The following AGTPBP1 variants were observed in gnomAD, a reference collection of about 807,000 sequenced individuals.
The protein encoded by AGTPBP1 is cytosolic carboxypeptidase 1.
Under a neutral mutation model 143.9 loss-of-function variants are expected in AGTPBP1, and 70 were observed. The observed-to-expected ratio is 0.49, with a 90% CI of 0.40 to 0.59. AGTPBP1 has a LOEUF of 0.59. AGTPBP1 is among the 20% of genes least tolerant of loss of function. The pLI, the probability that AGTPBP1 is intolerant of heterozygous loss-of-function variation, is 0.00. For missense variants in AGTPBP1, 1,229 were observed against 1,464.5 expected (o/e 0.84, Z 2.62); for synonymous variants, 463 against 500.2 (o/e 0.93, Z 0.99).
intron 1 of AGTPBP1, among the ~76,000 whole-genome samples, chr9:85,730,630 G>A (rs1838814041): frequency 6.6e-6 from 1 of 152,128 alleles, no homozygotes. Context: ...TAAATTTCCA[G>A]CAAATGCCAC....
chr9:85,741,018 C>G (rs6559875), intron 1 of AGTPBP1, among the ~76,000 whole-genome samples: 47,691 of 152,090 alleles, frequency 0.31, 11,711 homozygotes, highest in East Asian at 0.77. Context: ...AGGTTTATAC[C>G]GCACAAGGGG....
At chr9:85,761,186 TGGCCATAC>T in the AGTPBP1 span, among the ~76,000 whole-genome samples, 1 of 152,264 alleles carries the variant, frequency 6.6e-6, no homozygotes, top group Admixed American at 6.5e-5. Flanking sequence ...ATTGTGAAAA[TGGCCATAC>T]TGCCCAAGGT....
At chr9:85,564,629 G>A (rs531415654) in intron 25 of AGTPBP1, among the ~76,000 whole-genome samples, 55 of 152,258 alleles carry the variant, frequency 3.6e-4, no homozygotes, top group African/African-American at 1.3e-3. Context: ...ATTCCATACG[G>A]TCACATGCTG....
intron 19 of AGTPBP1, among the ~76,000 whole-genome samples, chr9:85,590,776 A>G (rs1170152529): frequency 1.3e-5 from 2 of 152,174 alleles, no homozygotes; most frequent in Non-Finnish European, 2.9e-5. Flanking sequence ...AGGCAGAGGG[A>G]AAAATATTAG....
At chr9:85,724,520 G>C (rs1838346650) in intron 1 of AGTPBP1, among the ~76,000 whole-genome samples, 2 of 152,008 alleles carry the variant, frequency 1.3e-5, no homozygotes, top group Admixed American at 1.3e-4. Context: ...ATACATTAAT[G>C]CCACAATCTA....
intron 23 of AGTPBP1, 29 bp downstream of exon 23, chr9:85,585,434 A>G (rs777860667): frequency 7.9e-6 from 12 of 1,527,596 alleles, no homozygotes; most frequent in Non-Finnish European, 9.7e-6. Context: ...TTGAAATTCA[A>G]AAACTTATGA....
intron 2 of AGTPBP1, among the ~76,000 whole-genome samples, chr9:85,705,390 C>CA (rs1009991023): frequency 1.1e-4 from 16 of 151,950 alleles, no homozygotes; most frequent in African/African-American, 3.9e-4. Context: ...AGCAGGCAGC[C>CA]AGGTAGCCAA....
the AGTPBP1 span, among the ~76,000 whole-genome samples, chr9:85,782,332 T>C: frequency 6.6e-6 from 1 of 152,120 alleles, no homozygotes; most frequent in Non-Finnish European, 1.5e-5. Flanking sequence ...CTGACCAACA[T>C]GGTGAAACCC....
At chr9:85,652,467 G>A (rs1564107615) in intron 11 of AGTPBP1, among the ~76,000 whole-genome samples, 1 of 152,014 alleles carries the variant, frequency 6.6e-6, no homozygotes, top group Admixed American at 6.6e-5. Flanking sequence ...AGCTGAGATC[G>A]CACCACTGCA....
At chr9:85,609,849 T>C (rs1003769230) in intron 17 of AGTPBP1, among the ~76,000 whole-genome samples, 7 of 129,282 alleles carry the variant, frequency 5.4e-5, no homozygotes, top group African/African-American at 4.2e-5. Flanking sequence ...AAACCCAGTC[T>C]ATACTGATAA....
At chr9:85,560,927 T>A (rs1826671932) in intron 25 of AGTPBP1, among the ~76,000 whole-genome samples, 1 of 152,090 alleles carries the variant, frequency 6.6e-6, no homozygotes, top group African/African-American at 2.4e-5. Flanking sequence ...AGAATATAGC[T>A]AAGAATTTCC....
At position 85,685,777 on chromosome 9, in the gene AGTPBP1, A is replaced by G. The variant is rs201582535; in HGVS notation, c.158-4442T>C. On this transcript the variant is annotated intron_variant, in intron 3 of 25. Transcript: ENST00000357081. ...TCTTTAAAACATACATGACTTGATA[A>G]AGCAAAAATTGTGTTGTAATGTATA... Among the ~76,000 whole-genome samples the G allele has an allele frequency of 1.1e-4, 16 of 152,224 alleles. No individual in the cohort carries two copies. In the East Asian group the frequency reaches 3.1e-3, roughly 29 times the overall value.
intron 22 of AGTPBP1, 132 bp downstream of exon 22, chr9:85,586,699 T>G: frequency 8.9e-7 from 1 of 1,123,138 alleles, no homozygotes. Flanking sequence ...TTACAAACAT[T>G]CAACCTTATA....
At chr9:85,574,848 A>AC (rs1827794341) in intron 25 of AGTPBP1, among the ~76,000 whole-genome samples, 1 of 152,016 alleles carries the variant, frequency 6.6e-6, no homozygotes, top group Non-Finnish European at 1.5e-5. Context: ...AGCTGGGATT[A>AC]CAGGCACCCA....
intron 15 of AGTPBP1, among the ~76,000 whole-genome samples, chr9:85,620,636 T>C (rs1830873852): frequency 6.6e-6 from 1 of 152,084 alleles, no homozygotes; most frequent in Non-Finnish European, 1.5e-5. Flanking sequence ...TGTGATGATA[T>C]CAGTGACAAT....
intron 17 of AGTPBP1, among the ~76,000 whole-genome samples, chr9:85,599,770 T>C (rs894084041): frequency 5.5e-4 from 84 of 152,256 alleles, no homozygotes; most frequent in Admixed American, 5.4e-3. Context: ...TTGTTGGCAG[T>C]GACAAACAAT....
chr9:85,656,492 G>T (rs1267360882), intron 10 of AGTPBP1, among the ~76,000 whole-genome samples: 1 of 152,010 alleles, frequency 6.6e-6, no homozygotes, highest in East Asian at 1.9e-4. Flanking sequence ...CTCAACTCTT[G>T]TCATATAAAA....
intron 1 of AGTPBP1, among the ~76,000 whole-genome samples, chr9:85,725,319 T>C (rs1441140726): frequency 6.6e-6 from 1 of 152,156 alleles, no homozygotes; most frequent in Non-Finnish European, 1.5e-5. Flanking sequence ...AAAAAAAAAT[T>C]TTTTTAACTT....
chr9:85,578,038 C>A (rs62566890), intron 24 of AGTPBP1, among the ~76,000 whole-genome samples: 51 of 152,150 alleles, frequency 3.4e-4, no homozygotes, highest in African/African-American at 1.2e-3. Flanking sequence ...ATGGAATGAG[C>A]GGAATAATTA....
Sources: allele counts gnomAD v4.1 joint callset (sites outside exome capture counted in the v4.1 genomes callset), GRCh38; gene constraint gnomAD v4.1.1; transcripts MANE v1.5; gene names NCBI Gene and HGNC (gene_info 2026-07-23, HGNC 2026-07-21).